The following MAPK9 variants were observed in gnomAD, a reference collection of about 807,000 sequenced individuals.
The protein encoded by MAPK9 is mitogen-activated protein kinase 9.
MAPK9 carries 30 observed loss-of-function variants against 57.1 expected under a neutral mutation model. That is an observed-to-expected ratio of 0.53 (90% CI 0.39 to 0.71). MAPK9 has a LOEUF of 0.71. MAPK9 is among the 30% of genes least tolerant of loss of function. The pLI is 0.00. For missense variants in MAPK9, 362 were observed against 521.0 expected, an observed-to-expected ratio of 0.69 and a Z score of 2.97; for synonymous variants, 155 against 177.0, an observed-to-expected ratio of 0.88 and a Z score of 0.99.
At chr5:180,281,933 G>T (rs537204257) in intron 1 of MAPK9, among the ~76,000 whole-genome samples, 1 of 152,126 alleles carries the variant, frequency 6.6e-6, no homozygotes, top group African/African-American at 2.4e-5. Context: ...CATACAACCC[G>T]CACCGCAGGA....
At chr5:180,278,094 A>T (rs893221427) in intron 2 of MAPK9, among the ~76,000 whole-genome samples, 1 of 152,240 alleles carries the variant, frequency 6.6e-6, no homozygotes, top group Non-Finnish European at 1.5e-5. Flanking sequence ...ATTATTACTA[A>T]GATTCTAAAC....
intron 10 of MAPK9, 49 bp from the exon 11 acceptor site, chr5:180,238,452 T>C: frequency 7.9e-7 from 1 of 1,265,676 alleles, no homozygotes; most frequent in Non-Finnish European, 1.2e-6. Flanking sequence ...CTAAACAGTT[T>C]CACTGTATCT....
At chr5:180,259,959 A>C (rs1759747680) in intron 5 of MAPK9, among the ~76,000 whole-genome samples, 2 of 152,266 alleles carry the variant, frequency 1.3e-5, no homozygotes, top group South Asian at 2.1e-4. Context: ...GAAAACATGA[A>C]AGAAATTATA....
intron 5 of MAPK9, among the ~76,000 whole-genome samples, chr5:180,251,855 G>A (rs1248076043): frequency 6.6e-6 from 1 of 152,100 alleles, no homozygotes; most frequent in Non-Finnish European, 1.5e-5. Context: ...CTCCCCCACT[G>A]CCCGCTCAAC....
At chr5:180,278,122 C>T (rs749683057) in intron 2 of MAPK9, among the ~76,000 whole-genome samples, 1 of 152,180 alleles carries the variant, frequency 6.6e-6, no homozygotes, top group African/African-American at 2.4e-5. Flanking sequence ...GGGTCAGAGG[C>T]CTTGACCTAT....
intron 1 of MAPK9, among the ~76,000 whole-genome samples, chr5:180,285,953 G>A (rs1391636531): frequency 2.0e-5 from 3 of 150,062 alleles, no homozygotes; most frequent in African/African-American, 7.3e-5. Context: ...GGTGGCGGGC[G>A]CCTGTAGTCC....
intron 3 of MAPK9, among the ~76,000 whole-genome samples, chr5:180,268,329 G>A (rs1760887915): frequency 3.9e-5 from 6 of 152,150 alleles, no homozygotes. Context: ...TTTGAAACTG[G>A]TGTGTCATAT....
chr5:180,246,979 G>C (rs1758172521), intron 7 of MAPK9: 3 of 157,794 alleles, frequency 1.9e-5, no homozygotes, highest in Admixed American at 1.9e-4. Context: ...TACTTTGGGG[G>C]AAAATATTTC....
intron 2 of MAPK9, among the ~76,000 whole-genome samples, chr5:180,278,793 CTT>C (rs1210422792): frequency 1.3e-5 from 2 of 150,938 alleles, no homozygotes; most frequent in East Asian, 1.9e-4. Flanking sequence ...CCCCTCTCTC[CTT>C]TTTCTCTCTC....
rs554413785 is a variant in MAPK9 at position 180,251,113 on chromosome 5, G to A, written c.451-1975C>T. Among the ~76,000 whole-genome samples the A allele has an allele frequency of 7.6e-4, 116 of 152,234 alleles. 1 individual carries two copies. Among genetic ancestry groups the A allele is most frequent in the Middle Eastern group, 3.4e-3 (1 of 294 alleles). ...CATTTTTAGTCTATCACTTGGCAGC[G>A]ATGGAAAGCAAGCAGACTCGGTGCT... On this transcript the variant is annotated intron_variant, in intron 5 of 11. Coordinates refer to ENST00000452135, the MANE Select transcript of MAPK9 (RefSeq NM_002752.5).
intron 3 of MAPK9, among the ~76,000 whole-genome samples, chr5:180,266,973 TTAAA>T (rs1760630811): frequency 6.6e-6 from 1 of 152,210 alleles, no homozygotes. Context: ...TGGCAGTCTC[TTAAA>T]TAAATTACTG....
intron 11 of MAPK9, chr5:180,237,447 A>G (rs984548618): frequency 1.3e-5 from 2 of 152,190 alleles, no homozygotes; most frequent in African/African-American, 4.8e-5. Context: ...GAGTCTCATG[A>G]TCATACAACT....
chr5:180,268,114 G>A (rs996607081), intron 3 of MAPK9, among the ~76,000 whole-genome samples: 10 of 152,058 alleles, frequency 6.6e-5, no homozygotes, highest in Non-Finnish European at 1.2e-4. Flanking sequence ...GTGAGCCACT[G>A]CACCCGGCCA....
rs1756978535 is a variant in MAPK9, at chr5:180,233,517, A to T, written c.*2867T>A. 2 of 152,240 alleles carry T rather than the reference A, an allele frequency of 1.3e-5. No individual in the cohort carries two copies. The highest frequency in any genetic ancestry group is 4.1e-4 in the South Asian group (2 of 4,826). 9.4% of individuals were successfully genotyped at this position (152,240 alleles called of 1,614,324 possible). On this transcript the variant is annotated 3_prime_UTR_variant, in exon 12 of 12. Coordinates refer to ENST00000452135, the MANE Select transcript of MAPK9 (RefSeq NM_002752.5). Reference sequence around the variant, plus strand: ...TTATCATCTATCTGTGTTCATGTTAAATCTGTCATCAGAGATGGTGATGGA... The same window carrying T: ...TTATCATCTATCTGTGTTCATGTTATATCTGTCATCAGAGATGGTGATGGA...
intron 5 of MAPK9, among the ~76,000 whole-genome samples, chr5:180,249,530 G>A (rs1758458808): frequency 6.7e-6 from 1 of 149,538 alleles, no homozygotes; most frequent in Admixed American, 6.6e-5. Context: ...TGTCAGTCCA[G>A]CACACACGGC....
intron 8 of MAPK9, among the ~76,000 whole-genome samples, chr5:180,241,548 CTCAG>C (rs1387540841): frequency 2.0e-5 from 3 of 152,238 alleles, no homozygotes; most frequent in African/African-American, 7.2e-5. Flanking sequence ...ATCCGCCTGC[CTCAG>C]CCTCCCAAAG....
intron 4 of MAPK9, 146 bp downstream of exon 4, chr5:180,264,635 A>C (rs1174979739): frequency 7.1e-6 from 5 of 708,944 alleles, no homozygotes; most frequent in African/African-American, 1.9e-5. Flanking sequence ...AATTTTCTAA[A>C]TATTTCTCTG....
chr5:180,288,900 T>C (rs1763001894), intron 1 of MAPK9, among the ~76,000 whole-genome samples: 3 of 152,258 alleles, frequency 2.0e-5, no homozygotes, highest in Non-Finnish European at 4.4e-5. Context: ...CTATTCTGTT[T>C]ATTTTGTATA....
chr5:180,264,899 G>A, intron 3 of MAPK9, 60 bp from the exon 4 acceptor site: 6 of 1,346,676 alleles, frequency 4.5e-6, no homozygotes, highest in Non-Finnish European at 6.0e-6. Flanking sequence ...CAAAAATTAA[G>A]TTTAATATTG....
Sources: allele counts gnomAD v4.1 joint callset (sites outside exome capture counted in the v4.1 genomes callset), GRCh38; gene constraint gnomAD v4.1.1; transcripts MANE v1.5; gene names NCBI Gene and HGNC (gene_info 2026-07-23, HGNC 2026-07-21).